ITGA4: variants seen among roughly 807,000 people sequenced by gnomAD.
ITGA4 encodes the protein integrin subunit alpha 4.
A neutral mutation model predicts 133.6 loss-of-function variants in ITGA4; 63 were observed. That is an observed-to-expected ratio of 0.47 (90% confidence interval 0.38 to 0.58). ITGA4 has a LOEUF of 0.58. Among genes scored for constraint, ITGA4 ranks in the 20% least tolerant of loss-of-function variants. ITGA4 has a pLI of 0.00. For synonymous variants in ITGA4, 483 were observed against 438.0 expected (o/e 1.10, Z -1.28); for missense variants, 1,076 against 1,252.7 (o/e 0.86, Z 2.13).
chr2:181,468,506 A>G (rs1275068866), intron 2 of ITGA4, among the ~76,000 whole-genome samples: 2 of 152,168 alleles, frequency 1.3e-5, no homozygotes, highest in East Asian at 3.9e-4. Context: ...GCTGTCAACA[A>G]AAGTCAATCT....
intron 22 of ITGA4, 189 bp downstream of exon 22, chr2:181,527,576 C>A: frequency 2.0e-6 from 1 of 504,506 alleles, no homozygotes; most frequent in Non-Finnish European, 3.6e-6. Flanking sequence ...TTGTCTTGTC[C>A]CTGATATTCA....
intron 9 of ITGA4, among the ~76,000 whole-genome samples, chr2:181,482,954 T>C (rs759674414): frequency 5.3e-5 from 8 of 152,164 alleles, no homozygotes; most frequent in Non-Finnish European, 1.0e-4. Flanking sequence ...CTAATCTAAT[T>C]TGAAAGAATA....
chr2:181,516,719 G>A lies in ITGA4; in HGVS notation c.1922+4944G>A, dbSNP rs1686614063. On this transcript the variant is annotated intron_variant, in intron 17 of 27. Coordinates refer to ENST00000397033, the MANE Select transcript of ITGA4 (RefSeq NM_000885.6). The surrounding 1 kb of genome is among the most constrained non-coding windows in gnomAD (Gnocchi z 4.0). ...AGTTGAACCTAGAGGTCTGTCTTCT[G>A]AAATATTAAGGGAATGCTGCCTGTC... 6.6e-6 allele frequency among the ~76,000 whole-genome samples: 1 copy of A among 152,020 alleles called. No individual in the cohort carries two copies.
In ITGA4 at chr2:181,537,003, G is replaced by C. The variant is rs1386074425; in HGVS notation, c.*1476G>C. On this transcript the variant is annotated 3_prime_UTR_variant, in exon 28 of 28. Coordinates refer to ENST00000397033, the MANE Select transcript of ITGA4 (RefSeq NM_000885.6). The stretch of plus-strand genomic sequence containing the variant: ...AAAGTTATCTGTTCACAGGCCTGCA[G>C]TGATGGTGAGGAATGTTCTGAGATT... 4.5e-6 allele frequency: 2 copies of C among 449,280 alleles called. No homozygotes were observed. Among genetic ancestry groups the C allele is most frequent in the African/African-American group, 4.0e-5 (2 of 49,788 alleles). The allele number at this position is 449,280 out of a possible 1,614,324, so 27.8% of individuals were successfully genotyped here.
At chr2:181,506,665 C>T (rs1191575970) in intron 15 of ITGA4, among the ~76,000 whole-genome samples, 1 of 152,016 alleles carries the variant, frequency 6.6e-6, no homozygotes, top group African/African-American at 2.4e-5. Flanking sequence ...TAAATTACTT[C>T]GTTGATTTTT....
chr2:181,460,306 T>C (rs944245754), intron 2 of ITGA4, among the ~76,000 whole-genome samples: 3 of 152,218 alleles, frequency 2.0e-5, no homozygotes, highest in Non-Finnish European at 4.4e-5. Context: ...ACTGAAGTTA[T>C]TTCTCATGTA....
At chr2:181,504,348 G>A (rs1686347812) in intron 15 of ITGA4, among the ~76,000 whole-genome samples, 1 of 151,974 alleles carries the variant, frequency 6.6e-6, no homozygotes, top group South Asian at 2.1e-4. Context: ...ATCTTTAGGT[G>A]ACTTCTAAAA....
intron 2 of ITGA4, among the ~76,000 whole-genome samples, chr2:181,472,183 G>C (rs190324340): frequency 9.2e-5 from 14 of 151,798 alleles, no homozygotes; most frequent in Non-Finnish European, 1.5e-4. Flanking sequence ...ATATTAAATA[G>C]ATAAGAGTTC....
At chr2:181,533,445 G>A (rs1016028379) in intron 25 of ITGA4, among the ~76,000 whole-genome samples, 1 of 152,196 alleles carries the variant, frequency 6.6e-6, no homozygotes, top group South Asian at 2.1e-4. Flanking sequence ...TTTTCCATCA[G>A]TGGCCATAAT....
chr2:181,509,958 T>A, intron 16 of ITGA4, 151 bp downstream of exon 16: 1 of 588,450 alleles, frequency 1.7e-6, no homozygotes. Flanking sequence ...TTCTTTAAAT[T>A]GTTTATATTC....
chr2:181,516,847 AAGAGCTAG>A lies in ITGA4; in HGVS notation c.1922+5073_1922+5080del, dbSNP rs1159523657. On this transcript the variant is annotated intron_variant, in intron 17 of 27. Coordinates refer to ENST00000397033, the MANE Select transcript of ITGA4 (RefSeq NM_000885.6). This position sits in a 1 kb window ranked among gnomAD's most constrained non-coding sequence, Gnocchi z 4.0. ...CTGCCACCATGCTGTTAATTCCCGA[AAGAGCTAG>A]TGTGATGAAATTGTCCATTTTTAAA... Among the ~76,000 whole-genome samples, 4 of 152,064 alleles carry A rather than the reference AAGAGCTAG, an allele frequency of 2.6e-5. No individual in the cohort carries two copies. Among genetic ancestry groups the A allele is most frequent in the African/African-American group, 9.7e-5 (4 of 41,422 alleles).
rs1016561070 is a variant in ITGA4 at position 181,523,213 on chromosome 2, TAC to T, written c.2074-218_2074-217del. On this transcript the variant is annotated intron_variant, in intron 18 of 27. Transcript: ENST00000397033. The surrounding 1 kb of genome is among the most constrained non-coding windows in gnomAD (Gnocchi z 4.2). ...ACACATATATATACACACACATATA[TAC>T]ACACATATATACATACATATATATA... 1.2e-4 allele frequency: 44 copies of T among 378,418 alleles called. No homozygotes were observed. The highest frequency in any genetic ancestry group is 1.8e-4 in the Non-Finnish European group (37 of 202,028). The allele number at this position is 378,418 out of a possible 1,614,324, so 23.4% of individuals were successfully genotyped here. A position where few individuals can be genotyped will look rare whatever the true frequency, so the allele number is the denominator to read the frequency against.
At chr2:181,518,451 A>G (rs183234295) in intron 17 of ITGA4, among the ~76,000 whole-genome samples, 162 of 152,250 alleles carry the variant, frequency 1.1e-3, no homozygotes, top group African/African-American at 3.0e-3. Context: ...ATCCTATGCC[A>G]TCTGAAATAA....
rs1254091188 is a variant in ITGA4, at chr2:181,524,169, AGATAG to A, written c.2170-1_2173del. On this transcript the variant is annotated splice_acceptor_variant and coding_sequence_variant, in exon 20 of 28. Coordinates refer to ENST00000397033, the MANE Select transcript of ITGA4 (RefSeq NM_000885.6). LOFTEE classifies it high-confidence loss of function. ...TGGGCTTTCCTGGTCTGTGTTTTAC[AGATAG>A]ATATTAGCTTTCTCCTGGATGTGAG... 6.3e-7 allele frequency: 1 copy of A among 1,590,104 alleles called. No individual in the cohort carries two copies. The highest frequency in any genetic ancestry group is 8.6e-7 in the Non-Finnish European group (1 of 1,167,716).
chr2:181,498,359 T>TTC (rs1205100371), intron 14 of ITGA4: 1 of 203,370 alleles, frequency 4.9e-6, no homozygotes, highest in East Asian at 1.1e-4. Context: ...TATATAAAGA[T>TTC]TAAGCAAATA....
intron 9 of ITGA4, among the ~76,000 whole-genome samples, chr2:181,483,093 A>G (rs1176634954): frequency 6.6e-6 from 1 of 152,222 alleles, no homozygotes; most frequent in Non-Finnish European, 1.5e-5. Flanking sequence ...TTTGAAAACA[A>G]TTAGAAACAA....
At chr2:181,511,957 A>G (rs1686515054) in intron 17 of ITGA4, among the ~76,000 whole-genome samples, 182 bp downstream of exon 17, 1 of 152,076 alleles carries the variant, frequency 6.6e-6, no homozygotes, top group African/African-American at 2.4e-5. Context: ...ACTCAGACTG[A>G]TATATAATCC....
chr2:181,482,771 C>A (rs1685835539), intron 9 of ITGA4, 120 bp downstream of exon 9: 2 of 867,342 alleles, frequency 2.3e-6, no homozygotes, highest in East Asian at 2.5e-5. Flanking sequence ...AGTTAAAATT[C>A]TAATACTGTA....
chr2:181,529,666 C>T lies in ITGA4; in HGVS notation c.2538+18C>T. ...ATGTCCAGGTAAAAATGTATTTCTT[C>T]CATCTAACCTTTATTGTGTGTCTTA... is the stretch of plus-strand genomic sequence containing the variant. On this transcript the variant is annotated intron_variant, in intron 23 of 27. Transcript: ENST00000397033. 2.4e-6 allele frequency: 3 copies of T among 1,229,420 alleles called. No individual in the cohort carries two copies. The highest frequency in any genetic ancestry group is 3.6e-6 in the Non-Finnish European group (3 of 832,664). 76.2% of individuals were successfully genotyped at this position (1,229,420 alleles called of 1,614,324 possible). A position where few individuals can be genotyped will look rare whatever the true frequency, so the allele number is the denominator to read the frequency against.
Sources: gnomAD v4.1 joint callset for allele counts (sites outside exome capture counted in the v4.1 genomes callset) on GRCh38, gnomAD v4.1.1 for gene constraint, Gnocchi (gnomAD v3.1) non-coding constraint, MANE v1.5 for transcripts, NCBI Gene and HGNC (gene_info 2026-07-23, HGNC 2026-07-21) for gene names.